Variants in GRIK2 observed in about 807,000 individuals in gnomAD.
The protein encoded by GRIK2 is glutamate receptor ionotropic, kainate 2.
GRIK2 carries 32 observed loss-of-function variants against 100.3 expected under a neutral mutation model. The ratio of observed to expected loss-of-function variants is 0.32; its 90% CI spans 0.24 to 0.43. The LOEUF (loss-of-function observed/expected upper bound fraction) is 0.43, where lower values mean the gene tolerates loss of function less well. Among genes scored for constraint, GRIK2 ranks in the 20% least tolerant of loss-of-function variants. GRIK2 has a pLI of 1.00. For synonymous variants in GRIK2, 417 were observed against 389.4 expected, an observed-to-expected ratio of 1.07 and a Z score of -0.83; for missense variants, 843 against 1,114.9, an observed-to-expected ratio of 0.76 and a Z score of 3.47.
chr6:101,505,473 G>A (rs1773974202), intron 2 of GRIK2, among the ~76,000 whole-genome samples: 1 of 152,038 alleles, frequency 6.6e-6, no homozygotes, highest in Non-Finnish European at 1.5e-5. Context: ...GTAGTTATTA[G>A]CAATGGCACT....
chr6:101,405,927 T>C (rs1360068984), intron 2 of GRIK2, among the ~76,000 whole-genome samples: 1 of 152,234 alleles, frequency 6.6e-6, no homozygotes, highest in African/African-American at 2.4e-5. Flanking sequence ...AAAAAGCTTT[T>C]AAACTTCAGA....
At position 101,919,939 on chromosome 6, in the gene GRIK2, AAGAG is replaced by A. The variant is rs1309133529; in HGVS notation, c.1749-4658_1749-4655del. Among the ~76,000 whole-genome samples, 22 of 152,028 alleles carry A rather than the reference AAGAG, an allele frequency of 1.4e-4. 1 individual carries two copies. The South Asian group carries it at 3.5e-3, about 24-fold the overall frequency. On this transcript the variant is annotated intron_variant, in intron 12 of 16. Transcript: ENST00000369134. ...ATGTTTGGCCAGAATTTGAAAAAGA[AAGAG>A]AGAAGTAAAAGGAACATACAAATAA...
chr6:101,977,140 C>T (rs1293259908), intron 14 of GRIK2, among the ~76,000 whole-genome samples: 2 of 150,814 alleles, frequency 1.3e-5, no homozygotes, highest in Admixed American at 6.6e-5. Flanking sequence ...ATGATGTGAA[C>T]TAAATAGGAG....
intron 2 of GRIK2, among the ~76,000 whole-genome samples, chr6:101,483,006 T>A (rs1447599243): frequency 2.0e-5 from 3 of 152,238 alleles, no homozygotes; most frequent in African/African-American, 7.2e-5. Context: ...GTGTAATTAT[T>A]TGTATTCAAT....
chr6:101,549,501 A>ACTTTGGCAATATATACACTGG (rs1457551287), intron 2 of GRIK2, among the ~76,000 whole-genome samples: 1 of 152,088 alleles, frequency 6.6e-6, no homozygotes, highest in African/African-American at 2.4e-5. Context: ...CAATATATAT[A>ACTTTGGCAATATATACACTGG]CAATGACCTT....
intron 2 of GRIK2, among the ~76,000 whole-genome samples, chr6:101,613,531 A>G (rs1328817678): frequency 6.6e-6 from 1 of 151,832 alleles, no homozygotes; most frequent in Non-Finnish European, 1.5e-5. Context: ...TAAGTAAAAG[A>G]TATTAATCAG....
At chr6:102,035,237 G>T in intron 14 of GRIK2, 104 bp from the exon 15 acceptor site, 1 of 455,106 alleles carries the variant, frequency 2.2e-6, no homozygotes, top group Non-Finnish European at 4.0e-6. Context: ...ATATTAAGAT[G>T]GTACAAGTAA....
chr6:101,875,352 T>G (rs1218197747), intron 11 of GRIK2, among the ~76,000 whole-genome samples: 2 of 151,912 alleles, frequency 1.3e-5, no homozygotes, highest in Non-Finnish European at 2.9e-5. Flanking sequence ...TTTTAAGTAC[T>G]ATCGCTAGTC....
At position 101,883,126 on chromosome 6, in the gene GRIK2, G is replaced by T. The variant is rs148773474; in HGVS notation, c.1525-6514G>T. Among the ~76,000 whole-genome samples, 488 of 151,942 alleles carry T rather than the reference G, an allele frequency of 3.2e-3. 1 individual carries two copies. The highest frequency in any genetic ancestry group is 0.011 in the African/African-American group (475 of 41,466). ...CAGAAACAGTGGGCTGAAGTTGTTG[G>T]AGAGATGGGAGGGTTGAAGTACAAG... On this transcript the variant is annotated intron_variant, in intron 11 of 16. Transcript: ENST00000369134.
rs188608915 is a variant in GRIK2, at chr6:102,000,951, T to C, written c.2086-34390T>C. 2.1e-3 allele frequency among the ~76,000 whole-genome samples: 319 copies of C among 152,236 alleles called. 1 individual carries two copies. Among genetic ancestry groups the C allele is most frequent in the Non-Finnish European group, 2.4e-3 (166 of 68,008 alleles). On this transcript the variant is annotated intron_variant, in intron 14 of 16. Transcript: ENST00000369134. Reference sequence around the variant, plus strand: ...TGTTGGTTTCATTTGTTTTTCTTTTTCTAATTCTTTTTTTTCTGATATCCT... The same window carrying C: ...TGTTGGTTTCATTTGTTTTTCTTTTCCTAATTCTTTTTTTTCTGATATCCT...
At chr6:101,840,928 A>G (rs1783455639) in intron 10 of GRIK2, among the ~76,000 whole-genome samples, 1 of 152,256 alleles carries the variant, frequency 6.6e-6, no homozygotes, top group Non-Finnish European at 1.5e-5. Context: ...TTTGAAAAAC[A>G]TTTCATGTTA....
In GRIK2 at chr6:101,422,672, T is replaced by TA. The variant is rs748656629; in HGVS notation, c.115+23291dup. 9.4e-3 allele frequency among the ~76,000 whole-genome samples: 1,362 copies of TA among 144,638 alleles called. 4 individuals carry two copies. Among genetic ancestry groups the TA allele is most frequent in the Middle Eastern group, 0.021 (6 of 280 alleles). 94.9% of individuals were successfully genotyped at this position (144,638 alleles called of 152,430 possible). On this transcript the variant is annotated intron_variant, in intron 2 of 16. Transcript: ENST00000369134. ...CACCCCTGCCTTTGAGTAAAAAGAT[T>TA]AAAAAAAAAAAGAAGAAGAAACAAA...
chr6:101,914,246 A>T (rs1788948753), intron 12 of GRIK2, among the ~76,000 whole-genome samples: 1 of 151,492 alleles, frequency 6.6e-6, no homozygotes, highest in African/African-American at 2.4e-5. Context: ...GGATTGTGGG[A>T]CAATGCTTGG....
chr6:101,959,258 A>T (rs1272002976), intron 14 of GRIK2, among the ~76,000 whole-genome samples: 3 of 152,076 alleles, frequency 2.0e-5, no homozygotes, highest in Non-Finnish European at 4.4e-5. Flanking sequence ...TCTGTTGGAC[A>T]ATTTTTTCAT....
At chr6:101,487,024 G>T (rs1772869230) in intron 2 of GRIK2, among the ~76,000 whole-genome samples, 1 of 146,080 alleles carries the variant, frequency 6.8e-6, no homozygotes, top group Non-Finnish European at 1.5e-5. Flanking sequence ...TTCATACATT[G>T]GGGAGAATTT....
intron 12 of GRIK2, among the ~76,000 whole-genome samples, chr6:101,916,385 G>A (rs1021875223): frequency 6.6e-6 from 1 of 151,348 alleles, no homozygotes; most frequent in African/African-American, 2.4e-5. Flanking sequence ...GCATGATTTG[G>A]TTCTACATAG....
At chr6:102,034,621 G>A (rs1471936309) in intron 14 of GRIK2, among the ~76,000 whole-genome samples, 1 of 151,398 alleles carries the variant, frequency 6.6e-6, no homozygotes, top group East Asian at 2.0e-4. Context: ...TTCTAGTAAA[G>A]CCCTCCTGAG....
intron 2 of GRIK2, among the ~76,000 whole-genome samples, chr6:101,444,320 T>G (rs1261290880): frequency 1.3e-5 from 2 of 152,114 alleles, no homozygotes; most frequent in African/African-American, 4.8e-5. Flanking sequence ...GCTCTTGTAT[T>G]TATTCATATA....
intron 12 of GRIK2, among the ~76,000 whole-genome samples, chr6:101,914,075 T>C (rs2128466714): frequency 6.6e-6 from 1 of 151,402 alleles, no homozygotes; most frequent in East Asian, 1.9e-4. Context: ...GGTTTGGAGG[T>C]AATTAGAGCC....
Sources: allele counts gnomAD v4.1 joint callset (sites outside exome capture counted in the v4.1 genomes callset), GRCh38; gene constraint gnomAD v4.1.1; transcripts MANE v1.5; gene names NCBI Gene and HGNC (gene_info 2026-07-23, HGNC 2026-07-21).